CLPB: variants seen among roughly 807,000 people sequenced by gnomAD.
CLPB encodes ClpB family mitochondrial disaggregase, also known as mitochondrial disaggregase.
A neutral mutation model predicts 78.4 loss-of-function variants in CLPB; 40 were observed. That is an observed-to-expected ratio of 0.51 (90% confidence interval 0.40 to 0.66). The LOEUF (loss-of-function observed/expected upper bound fraction) is 0.66. Among genes scored for constraint, CLPB ranks in the 30% least tolerant of loss-of-function variants. CLPB has a pLI of 0.00. For missense variants in CLPB, 780 were observed against 886.9 expected (o/e 0.88, Z 1.53); for synonymous variants, 333 against 348.0 (o/e 0.96, Z 0.48).
chr11:72,314,818 G>A (rs1949912130), intron 7 of CLPB, among the ~76,000 whole-genome samples: 1 of 152,120 alleles, frequency 6.6e-6, no homozygotes, highest in East Asian at 1.9e-4. Flanking sequence ...AATCGACAGA[G>A]TATGTGCAGA....
At chr11:72,423,172 T>C (rs1856261493) in intron 2 of CLPB, among the ~76,000 whole-genome samples, 1 of 152,190 alleles carries the variant, frequency 6.6e-6, no homozygotes. Context: ...AGAGGCAACA[T>C]GGCATGTATA....
At chr11:72,361,366 T>C (rs929991599) in intron 4 of CLPB, among the ~76,000 whole-genome samples, 1 of 152,042 alleles carries the variant, frequency 6.6e-6, no homozygotes, top group African/African-American at 2.4e-5. Flanking sequence ...CCATGTGCAA[T>C]GGCATCTACA....
chr11:72,373,014 T>A, intron 4 of CLPB: 1 of 1,613,828 alleles, frequency 6.2e-7, no homozygotes, highest in Non-Finnish European at 8.5e-7. Flanking sequence ...CTGTCCCCCA[T>A]CTGAAGACAC....
intron 7 of CLPB, among the ~76,000 whole-genome samples, chr11:72,313,389 T>C (rs1949882274): frequency 6.6e-6 from 1 of 152,214 alleles, no homozygotes; most frequent in Non-Finnish European, 1.5e-5. Flanking sequence ...AGGCAAACTA[T>C]TGCTGCCAAG....
rs756715990 is a variant in CLPB, at chr11:72,293,620, C to T, written c.1786-5G>A. 1.1e-5 allele frequency: 17 copies of T among 1,607,550 alleles called. No individual in the cohort carries two copies. The Middle Eastern group carries it at 5.0e-4, about 47-fold the overall frequency. On this transcript the variant is annotated splice_polypyrimidine_tract_variant and splice_region_variant and intron_variant, in intron 15 of 15. Transcript: ENST00000538039. Reference sequence around the variant, plus strand: ...GTTCACCACACGGCGTTCTACCTGTCGGTGGGGAGGTGAAGTGGTCACTCC... The same window carrying T: ...GTTCACCACACGGCGTTCTACCTGTTGGTGGGGAGGTGAAGTGGTCACTCC...
intron 3 of CLPB, among the ~76,000 whole-genome samples, chr11:72,395,790 C>T (rs546118359): frequency 6.6e-6 from 1 of 152,324 alleles, no homozygotes; most frequent in South Asian, 2.1e-4. Context: ...TAAGGACCTA[C>T]TTTCAAGCAC....
In CLPB at chr11:72,434,187, T is replaced by G. The variant is rs1273429845; in HGVS notation, c.288A>C (p.Glu96Asp). The change falls in exon 1 of 16, where the codon GAA becomes GAC. Residue 96 changes from glutamate (E) to aspartate (D), a missense_variant. Glu to Asp is a conservative substitution (Grantham distance 45, BLOSUM62 2). Around this residue, in one of 3 missense-constraint regions of CLPB, gnomAD observed 417 missense variants for 414.7 expected, o/e 1.01. Transcript: ENST00000538039. ...ATWGRLPGPEETLPGQDSWNG... is the reference protein window; with the variant it reads ...ATWGRLPGPEDTLPGQDSWNG... ...TCCAGCTGTCCTGTCCTGGGAGTGT[T>G]TCTTCGGGACCAGGAAGGCGTCCCC... is the stretch of plus-strand genomic sequence containing the variant. The G allele has an allele frequency of 1.2e-6, 2 of 1,613,456 alleles. No individual in the cohort carries two copies. The highest frequency in any genetic ancestry group is 1.7e-6 in the Non-Finnish European group (2 of 1,179,990).
intron 2 of CLPB, chr11:72,428,954 A>G (rs1013715198): frequency 6.6e-6 from 1 of 152,240 alleles, no homozygotes; most frequent in African/African-American, 2.4e-5. Context: ...TGGATTCCCA[A>G]CATTGCTGCT....
chr11:72,351,054 C>T (rs1950605538), intron 5 of CLPB, among the ~76,000 whole-genome samples: 1 of 152,138 alleles, frequency 6.6e-6, no homozygotes, highest in East Asian at 1.9e-4. Flanking sequence ...TGAATCCAAA[C>T]AAGAAGAAGA....
At chr11:72,415,232 A>G (rs899886769) in intron 2 of CLPB, among the ~76,000 whole-genome samples, 4 of 152,120 alleles carry the variant, frequency 2.6e-5, no homozygotes, top group Admixed American at 2.6e-4. Flanking sequence ...AAGAAAAAGA[A>G]AGATTACAAG....
At chr11:72,332,396 C>G (rs186430787) in intron 5 of CLPB, among the ~76,000 whole-genome samples, 245 of 151,488 alleles carry the variant, frequency 1.6e-3, no homozygotes, top group Non-Finnish European at 2.8e-3. Flanking sequence ...GGCTGAAGCA[C>G]AAGAATTGCA....
At chr11:72,430,285 G>C (rs1268858165) in intron 2 of CLPB, 27 bp downstream of exon 2, 1 of 1,609,318 alleles carries the variant, frequency 6.2e-7, no homozygotes, top group Non-Finnish European at 8.5e-7. Flanking sequence ...TCCTGTAGGG[G>C]AGAGCAAGGC....
chr11:72,371,820 G>A (rs1218687688), intron 4 of CLPB, among the ~76,000 whole-genome samples: 1 of 152,134 alleles, frequency 6.6e-6, no homozygotes, highest in African/African-American at 2.4e-5. Context: ...TATACTTGGA[G>A]GCTCAAATGT....
rs186989806 is a variant in CLPB at position 72,294,090 on chromosome 11, G to T, written c.1717C>A (p.Arg573Ser). Residue 573 changes from arginine to serine, a missense_variant, in exon 15 of 16, where the codon CGC becomes AGC. Arg to Ser is a moderately radical substitution (Grantham distance 110). Coordinates refer to ENST00000538039, the MANE Select transcript of CLPB (RefSeq NM_001258392.3). ...TCGACCAGCACATCTGCCACCTCGC[G>T]GTCCCAGAGCAGCGTGATGTTGTGC... ...QRHNITLLWD[R>S]EVADVLVDGY... The T allele has an allele frequency of 6.8e-6, 11 of 1,614,150 alleles. No individual in the cohort carries two copies. Among genetic ancestry groups the T allele is most frequent in the Non-Finnish European group, 8.5e-6 (10 of 1,180,018 alleles).
intron 5 of CLPB, among the ~76,000 whole-genome samples, chr11:72,350,796 G>A (rs1281559660): frequency 6.6e-6 from 1 of 152,178 alleles, no homozygotes; most frequent in East Asian, 1.9e-4. Flanking sequence ...GGTTTTGAGA[G>A]GCATGGAGGA....
At chr11:72,407,076 G>A (rs978177040) in intron 2 of CLPB, among the ~76,000 whole-genome samples, 2 of 152,012 alleles carry the variant, frequency 1.3e-5, no homozygotes, top group African/African-American at 4.8e-5. Context: ...AGGCATACCC[G>A]CCCAGGGAGC....
chr11:72,420,671 T>C (rs1856169008), intron 2 of CLPB, among the ~76,000 whole-genome samples: 2 of 152,212 alleles, frequency 1.3e-5, no homozygotes, highest in Non-Finnish European at 1.5e-5. Context: ...CTCACTTATA[T>C]AGTACAGGGT....
chr11:72,430,515 T>G, intron 1 of CLPB, 152 bp from the exon 2 acceptor site: 6 of 615,396 alleles, frequency 9.7e-6, no homozygotes, highest in African/African-American at 1.9e-5. Flanking sequence ...AAACGAATCA[T>G]TCCCTCCCCA....
chr11:72,402,864 C>T, intron 3 of CLPB, 102 bp downstream of exon 3: 1 of 885,434 alleles, frequency 1.1e-6, no homozygotes, highest in Non-Finnish European at 1.8e-6. Flanking sequence ...CTTCCTGCCT[C>T]TGGAAAAGAC....
Sources: gnomAD v4.1 joint callset for allele counts (sites outside exome capture counted in the v4.1 genomes callset) on GRCh38, gnomAD v4.1.1 for gene constraint, gnomAD v4.1.1 regional missense constraint, MANE v1.5 for transcripts, NCBI Gene and HGNC (gene_info 2026-07-23, HGNC 2026-07-21) for gene names.